Variants in SMG1 observed in about 807,000 individuals in gnomAD.
The protein encoded by SMG1 is serine/threonine-protein kinase SMG1.
A neutral mutation model predicts 419.9 loss-of-function variants in SMG1; 22 were observed. The observed-to-expected ratio is 0.05, with a 90% CI of 0.04 to 0.07. The LOEUF (loss-of-function observed/expected upper bound fraction) is 0.07. Among genes scored for constraint, SMG1 ranks in the 10% least tolerant of loss-of-function variants. The pLI is 1.00. For missense variants in SMG1, 3,185 were observed against 4,342.0 expected (o/e 0.73, Z 7.49); for synonymous variants, 1,538 against 1,553.5 (o/e 0.99, Z 0.23).
At chr16:18,912,013 G>A (rs191199425) in intron 1 of SMG1, among the ~76,000 whole-genome samples, 60 of 150,930 alleles carry the variant, frequency 4.0e-4, no homozygotes, top group Admixed American at 3.6e-3. Context: ...CCCGGGAGGT[G>A]GAGATTGCAG....
intron 1 of SMG1, chr16:18,900,107 T>C (rs1280274092): frequency 1.2e-5 from 10 of 808,210 alleles, no homozygotes; most frequent in Admixed American, 2.1e-5. Flanking sequence ...TGTTCAAACA[T>C]GGAGCAAATA....
At chr16:18,817,521 A>G in intron 56 of SMG1, 51 bp from the exon 57 acceptor site, 3 of 1,405,392 alleles carry the variant, frequency 2.1e-6, no homozygotes, top group Non-Finnish European at 1.9e-6. Context: ...AAGGTGGGAA[A>G]GGGAGGTGGC....
At chr16:18,854,588 T>C in intron 30 of SMG1, 68 bp downstream of exon 30, 1 of 1,421,812 alleles carries the variant, frequency 7.0e-7, no homozygotes, top group South Asian at 1.4e-5. Context: ...ATACCATACA[T>C]ACACAGTAAC....
chr16:18,911,979 G>A (rs2037809832), intron 1 of SMG1, among the ~76,000 whole-genome samples: 1 of 151,636 alleles, frequency 6.6e-6, no homozygotes, highest in African/African-American at 2.4e-5. Context: ...TACATGGGAG[G>A]CTGAGGCAGG....
intron 3 of SMG1, among the ~76,000 whole-genome samples, chr16:18,893,557 G>A (rs1282663639): frequency 3.3e-5 from 5 of 152,070 alleles, no homozygotes; most frequent in East Asian, 1.9e-4. Context: ...CCTGGGAAGC[G>A]AAGGTTGCAG....
chr16:18,845,552 T>A lies in SMG1; in HGVS notation c.6096A>T (p.Ala2032=). ...EHVRSITAAP[A]ETPHEKWFQD... ...GAAACCATTTTTCATGAGGTGTTTCTGCAGGAGCCGCTGTGATACTCCTCA... is the reference window on the plus strand; with the variant it reads ...GAAACCATTTTTCATGAGGTGTTTCAGCAGGAGCCGCTGTGATACTCCTCA... The change falls in exon 39 of 63, where the codon GCA becomes GCT. Residue 2032 remains alanine (A), a synonymous_variant. Coordinates refer to ENST00000446231, the MANE Select transcript of SMG1 (RefSeq NM_015092.5). 6.2e-7 allele frequency: 1 copy of A among 1,613,978 alleles called. No individual in the cohort carries two copies. The highest frequency in any genetic ancestry group is 8.5e-7 in the Non-Finnish European group (1 of 1,179,882).
chr16:18,820,108 G>T (rs2032385574), intron 55 of SMG1, among the ~76,000 whole-genome samples: 2 of 152,146 alleles, frequency 1.3e-5, no homozygotes, highest in South Asian at 4.1e-4. Flanking sequence ...TGGGACTACA[G>T]GCACCTGCCA....
Position 18,914,558 on chromosome 16 carries a change from C to T in SMG1, c.92+11392G>A, listed in dbSNP as rs548988858. On this transcript the variant is annotated intron_variant, in intron 1 of 62. Coordinates refer to ENST00000446231, the MANE Select transcript of SMG1 (RefSeq NM_015092.5). ...AATTAGCCAGGCGTGGTGGCAATCG[C>T]CTGTAATCCCAGCTACTCAGGAGGC... is the stretch of plus-strand genomic sequence containing the variant. 2.8e-4 allele frequency among the ~76,000 whole-genome samples: 42 copies of T among 151,926 alleles called. No individual in the cohort carries two copies. The South Asian group carries it at 5.0e-3, about 18-fold the overall frequency.
At chr16:18,879,012 A>C (rs1248381778) in intron 11 of SMG1, 1 of 203,654 alleles carries the variant, frequency 4.9e-6, no homozygotes, top group Non-Finnish European at 1.0e-5. Context: ...CCTGTCTCAA[A>C]AAAAAATTGC....
At position 18,864,282 on chromosome 16, in the gene SMG1, G is replaced by C. The variant is rs111752328; in HGVS notation, c.3351-138C>G. 126 of 696,308 alleles carry C rather than the reference G, an allele frequency of 1.8e-4. No individual in the cohort carries two copies. The African/African-American group carries it at 2.2e-3, about 12-fold the overall frequency. 43.1% of individuals were successfully genotyped at this position (696,308 alleles called of 1,614,324 possible). Reference sequence around the variant, plus strand: ...ACTGTCTCAGCTCAATGCAACCTCTGCCTCCTGGGTACAAGCGATTTTCCC... The same window carrying C: ...ACTGTCTCAGCTCAATGCAACCTCTCCCTCCTGGGTACAAGCGATTTTCCC... On this transcript the variant is annotated intron_variant, in intron 23 of 62. Coordinates refer to ENST00000446231, the MANE Select transcript of SMG1 (RefSeq NM_015092.5).
At chr16:18,832,904 T>C in intron 51 of SMG1, 36 bp downstream of exon 51, 1 of 1,571,536 alleles carries the variant, frequency 6.4e-7, no homozygotes, top group South Asian at 1.1e-5. Context: ...GTCCCATCTC[T>C]TTTACAAGGA....
chr16:18,839,167 A>G (rs2033761531), intron 42 of SMG1, among the ~76,000 whole-genome samples: 1 of 152,008 alleles, frequency 6.6e-6, no homozygotes, highest in Non-Finnish European at 1.5e-5. Flanking sequence ...TTAAATTTAA[A>G]TATTGATTTT....
At position 18,818,559 on chromosome 16, in the gene SMG1, T is replaced by C. The variant is rs375822024; in HGVS notation, c.9894+943A>G. 3.5e-4 allele frequency among the ~76,000 whole-genome samples: 53 copies of C among 152,208 alleles called. No homozygotes were observed. The East Asian group carries it at 8.5e-3, about 24-fold the overall frequency. On this transcript the variant is annotated intron_variant, in intron 56 of 62. Coordinates refer to ENST00000446231, the MANE Select transcript of SMG1 (RefSeq NM_015092.5). Reference sequence around the variant, plus strand: ...TGATACATTCTTAAATAGTTCTTAATAGGTATATACTGAAAAATTTATAGA... The same window carrying C: ...TGATACATTCTTAAATAGTTCTTAACAGGTATATACTGAAAAATTTATAGA...
rs528622794 is a variant in SMG1, at chr16:18,923,955, A to G, written c.92+1995T>C. On this transcript the variant is annotated intron_variant, in intron 1 of 62. Coordinates refer to ENST00000446231, the MANE Select transcript of SMG1 (RefSeq NM_015092.5). ...ATCAGCTATGACAATCTTAGCAACA[A>G]ATCAAGTTATGCTATGGGGTATGTC... Among the ~76,000 whole-genome samples, 209 of 152,212 alleles carry G rather than the reference A, an allele frequency of 1.4e-3. 2 individuals carry two copies. Among genetic ancestry groups the G allele is most frequent in the Middle Eastern group, 3.4e-3 (1 of 294 alleles).
intron 38 of SMG1, 130 bp from the exon 39 acceptor site, chr16:18,845,781 A>C: frequency 1.8e-6 from 1 of 557,546 alleles, no homozygotes; most frequent in Non-Finnish European, 3.1e-6. Context: ...TAAAGCAATA[A>C]CATATTCACA....
At chr16:18,830,421 G>T in intron 51 of SMG1, 52 bp from the exon 52 acceptor site, 1 of 1,584,116 alleles carries the variant, frequency 6.3e-7, no homozygotes, top group Admixed American at 1.7e-5. Flanking sequence ...AATGCCTTTG[G>T]TGGGAACATA....
At chr16:18,877,037 C>T in intron 12 of SMG1, 94 bp downstream of exon 12, 3 of 821,450 alleles carry the variant, frequency 3.7e-6, no homozygotes, top group Non-Finnish European at 5.8e-6. Context: ...TTTCACATTT[C>T]ACTCAATTTC....
rs1567312273 is a variant in SMG1 at position 18,815,163 on chromosome 16, C to CTCT, written c.10621+9_10621+11dup. 1.3e-6 allele frequency: 2 copies of CTCT among 1,538,112 alleles called. No homozygotes were observed. Among genetic ancestry groups the CTCT allele is most frequent in the Non-Finnish European group, 1.8e-6 (2 of 1,127,212 alleles). On this transcript the variant is annotated intron_variant, in intron 60 of 62. Transcript: ENST00000446231. ...ATTAACAACAGATCAAGACTCAGGA[C>CTCT]TCTTCTCCTACCTGCAGCGAAGGAT...
At position 18,817,194 on chromosome 16, in the gene SMG1, T is replaced by C. The variant is rs1055632386; in HGVS notation, c.10074+97A>G. 1.3e-5 allele frequency: 14 copies of C among 1,040,680 alleles called. No homozygotes were observed. In the African/African-American group the frequency reaches 1.7e-4, roughly 13 times the overall value. 64.5% of individuals were successfully genotyped at this position (1,040,680 alleles called of 1,614,324 possible). A position where few individuals can be genotyped will look rare whatever the true frequency, so the allele number is the denominator to read the frequency against. ...CCCTAACAACCTCTTACATACAGTA[T>C]ATGCTCAACGAATGTAATCGGAATG... On this transcript the variant is annotated intron_variant, in intron 57 of 62. Coordinates refer to ENST00000446231, the MANE Select transcript of SMG1 (RefSeq NM_015092.5).
Sources: gnomAD v4.1 joint callset for allele counts (sites outside exome capture counted in the v4.1 genomes callset) on GRCh38, gnomAD v4.1.1 for gene constraint, MANE v1.5 for transcripts, NCBI Gene and HGNC (gene_info 2026-07-23, HGNC 2026-07-21) for gene names.